The following MECOM variants were observed in gnomAD, a reference collection of about 807,000 sequenced individuals.
The protein encoded by MECOM is histone-lysine N-methyltransferase MECOM.
Under a neutral mutation model 116.3 loss-of-function variants are expected in MECOM, and 13 were observed. The ratio of observed to expected loss-of-function variants is 0.11; its 90% CI spans 0.07 to 0.18. The LOEUF (loss-of-function observed/expected upper bound fraction) is 0.18, where lower values mean the gene tolerates loss of function less well. MECOM is among the 10% of genes least tolerant of loss of function. The pLI is 1.00. For missense variants in MECOM, 1,299 were observed against 1,509.0 expected (o/e 0.86, Z 2.31); for synonymous variants, 528 against 535.2 (o/e 0.99, Z 0.19).
At position 169,131,442 on chromosome 3, in the gene MECOM, C is replaced by A. The variant is rs781230395; in HGVS notation, c.600G>T (p.Ala200=). 9 of 1,613,964 alleles carry A rather than the reference C, an allele frequency of 5.6e-6. No homozygotes were observed. Among genetic ancestry groups the A allele is most frequent in the South Asian group, 1.1e-5 (1 of 91,072 alleles). The change falls in exon 4 of 17, where the codon GCG becomes GCT. Residue 200 remains alanine, a synonymous_variant. Transcript: ENST00000651503. ...AGTGGTACTAACCGTGGATATCCGG[C>A]GCCATAGTTTCATGGGGATAGTCTT... ...KSEDYPHETM[A]PDIHEERQYR...
chr3:169,356,927 C>G (rs545118493), intron 2 of MECOM, among the ~76,000 whole-genome samples: 21 of 151,856 alleles, frequency 1.4e-4, no homozygotes, highest in Non-Finnish European at 2.2e-4. Flanking sequence ...TAATTCCCCA[C>G]GCTAAGGCAA....
At chr3:169,422,797 T>C (rs925999951) in intron 1 of MECOM, among the ~76,000 whole-genome samples, 1 of 152,130 alleles carries the variant, frequency 6.6e-6, no homozygotes, top group African/African-American at 2.4e-5. Flanking sequence ...ATCCAACTTC[T>C]GTGGCTCACC....
At chr3:169,147,466 T>G in intron 2 of MECOM, 39 of 985,272 alleles carry the variant, frequency 4.0e-5, no homozygotes, top group Non-Finnish European at 4.5e-5. Context: ...CCGCCCAGAG[T>G]GATCTGATCG....
chr3:169,412,060 T>G (rs1737646964), intron 1 of MECOM, among the ~76,000 whole-genome samples: 1 of 151,342 alleles, frequency 6.6e-6, no homozygotes, highest in Non-Finnish European at 1.5e-5. Flanking sequence ...CCAAGGCAGG[T>G]GGATCACCTG....
chr3:169,539,154 T>A (rs1490376806), intron 1 of MECOM, among the ~76,000 whole-genome samples: 1 of 152,164 alleles, frequency 6.6e-6, no homozygotes, highest in Non-Finnish European at 1.5e-5. Context: ...TATTAGCAGA[T>A]GGGTTTTAGC....
At chr3:169,328,214 T>C (rs920122205) in intron 2 of MECOM, among the ~76,000 whole-genome samples, 4 of 152,222 alleles carry the variant, frequency 2.6e-5, no homozygotes, top group Non-Finnish European at 5.9e-5. Context: ...CTCTTGTATG[T>C]TCCCAGCCCC....
intron 1 of MECOM, among the ~76,000 whole-genome samples, chr3:169,414,031 G>A (rs1738066958): frequency 6.6e-6 from 1 of 152,230 alleles, no homozygotes; most frequent in South Asian, 2.1e-4. Context: ...CAGCACTCAA[G>A]ATCTGCTAAG....
intron 2 of MECOM, among the ~76,000 whole-genome samples, chr3:169,299,196 A>G (rs1430441): frequency 0.06 from 9,191 of 152,114 alleles, 776 homozygotes; most frequent in African/African-American, 0.19. Context: ...CAAGGATTAG[A>G]GCCCAAGACA....
At chr3:169,208,979 T>C (rs1431418569) in intron 2 of MECOM, among the ~76,000 whole-genome samples, 1 of 150,778 alleles carries the variant, frequency 6.6e-6, no homozygotes, top group Admixed American at 6.6e-5. Context: ...AACAGCATGG[T>C]ACTGCTACCA....
intron 2 of MECOM, among the ~76,000 whole-genome samples, chr3:169,365,378 C>T (rs928491227): frequency 9.2e-5 from 14 of 151,906 alleles, no homozygotes; most frequent in African/African-American, 3.1e-4. Flanking sequence ...GACTCTATAT[C>T]GAGTGCATGT....
At chr3:169,427,511 T>C (rs1039705388) in intron 1 of MECOM, among the ~76,000 whole-genome samples, 2 of 152,232 alleles carry the variant, frequency 1.3e-5, no homozygotes, top group Admixed American at 6.5e-5. Flanking sequence ...AATAGGGCTT[T>C]ATCTTGTCCA....
intron 2 of MECOM, among the ~76,000 whole-genome samples, chr3:169,328,081 T>C (rs79888006): frequency 0.017 from 2,539 of 152,294 alleles, 59 homozygotes; most frequent in East Asian, 0.1. Flanking sequence ...TGCTACACCC[T>C]CCTTTCAGTG....
At chr3:169,418,720 T>A (rs919204630) in intron 1 of MECOM, among the ~76,000 whole-genome samples, 15 of 152,062 alleles carry the variant, frequency 9.9e-5, no homozygotes, top group African/African-American at 3.6e-4. Flanking sequence ...AAACACTCAA[T>A]AAACTAGGTA....
chr3:169,122,746 AT>A lies in MECOM; in HGVS notation c.831-20del. The A allele has an allele frequency of 6.2e-7, 1 of 1,609,806 alleles. No individual in the cohort carries two copies. The highest frequency in any genetic ancestry group is 1.1e-5 in the South Asian group (1 of 90,404). On this transcript the variant is annotated intron_variant, in intron 5 of 16. Coordinates refer to ENST00000651503, the MANE Select transcript of MECOM (RefSeq NM_004991.4). ...CTCCAGGCTGTTAAGAGAACAATAG[AT>A]TTTAAAAGACAAAGGATGCATTCAT...
chr3:169,510,681 A>T (rs1755855737), intron 1 of MECOM, among the ~76,000 whole-genome samples: 1 of 152,118 alleles, frequency 6.6e-6, no homozygotes, highest in Non-Finnish European at 1.5e-5. Flanking sequence ...ATCTGTCTAT[A>T]CTCTCCTCCC....
At chr3:169,554,230 G>A (rs1198741995) in intron 1 of MECOM, among the ~76,000 whole-genome samples, 1 of 152,114 alleles carries the variant, frequency 6.6e-6, no homozygotes, top group African/African-American at 2.4e-5. Context: ...CTGGGTCCCT[G>A]AAAATAGTGG....
intron 2 of MECOM, among the ~76,000 whole-genome samples, chr3:169,253,337 A>G (rs1227511482): frequency 1.3e-5 from 2 of 152,104 alleles, no homozygotes; most frequent in African/African-American, 4.8e-5. Context: ...CTAGCGTGTA[A>G]CTAAAGGAAT....
At chr3:169,656,164 T>C (rs1775522134) in intron 1 of MECOM, among the ~76,000 whole-genome samples, 1 of 152,232 alleles carries the variant, frequency 6.6e-6, no homozygotes, top group African/African-American at 2.4e-5. Flanking sequence ...GTACAAGCAC[T>C]TTCATTCATA....
rs578020625 is a variant in MECOM at position 169,234,302 on chromosome 3, C to T, written c.376-90470G>A. Among the ~76,000 whole-genome samples, 23 of 151,742 alleles carry T rather than the reference C, an allele frequency of 1.5e-4. 1 individual carries two copies. The highest frequency in any genetic ancestry group is 5.6e-4 in the African/African-American group (23 of 41,364). ...AGTTGGCCCCTTTCTCTGGTGCTTT[C>T]TTTGATTGAAAAAAATCAGTATTTT... is the stretch of plus-strand genomic sequence containing the variant. On this transcript the variant is annotated intron_variant, in intron 2 of 16. Transcript: ENST00000651503.
Sources: allele counts gnomAD v4.1 joint callset (sites outside exome capture counted in the v4.1 genomes callset), GRCh38; gene constraint gnomAD v4.1.1; transcripts MANE v1.5; gene names NCBI Gene and HGNC (gene_info 2026-07-23, HGNC 2026-07-21).